FOXP1: variants seen among roughly 807,000 people sequenced by gnomAD.
FOXP1 encodes forkhead box P1.
In FOXP1, 15 loss-of-function variants were observed where a neutral mutation model predicts 98.2. The ratio of observed to expected loss-of-function variants is 0.15; its 90% CI spans 0.10 to 0.24. The LOEUF is 0.24. FOXP1 is among the 10% of genes least tolerant of loss of function. FOXP1 has a pLI of 1.00. For missense variants in FOXP1, 633 were observed against 848.5 expected, an observed-to-expected ratio of 0.75 and a Z score of 3.15; for synonymous variants, 371 against 314.5, an observed-to-expected ratio of 1.18 and a Z score of -1.90.
chr3:71,515,433 C>CA (rs35322006), intron 2 of FOXP1, among the ~76,000 whole-genome samples: 34,990 of 96,780 alleles, frequency 0.36, 7,155 homozygotes, highest in East Asian at 0.92. Flanking sequence ...ATTTACACAG[C>CA]AAAAAAAAAA....
intron 4 of FOXP1, among the ~76,000 whole-genome samples, chr3:71,321,579 TTAAAG>T (rs2075393533): frequency 1.3e-5 from 2 of 152,146 alleles, no homozygotes; most frequent in Admixed American, 6.5e-5. Flanking sequence ...CACAATGTAA[TTAAAG>T]TAACTGGCAG....
chr3:71,291,899 G>A (rs1392460851), intron 5 of FOXP1, among the ~76,000 whole-genome samples: 2 of 151,722 alleles, frequency 1.3e-5, no homozygotes, highest in Non-Finnish European at 2.9e-5. Context: ...TAGAGATGGG[G>A]TTTCACCATG....
intron 7 of FOXP1, among the ~76,000 whole-genome samples, chr3:71,084,793 G>T (rs2054844597): frequency 6.6e-6 from 1 of 152,142 alleles, no homozygotes; most frequent in Non-Finnish European, 1.5e-5. Flanking sequence ...AGAACTTTGG[G>T]AGGCTGAGGT....
chr3:70,976,644 C>A (rs189434677), intron 17 of FOXP1, among the ~76,000 whole-genome samples: 1 of 152,142 alleles, frequency 6.6e-6, no homozygotes, highest in African/African-American at 2.4e-5. Flanking sequence ...AATATGGCAA[C>A]CTCCACTTCT....
chr3:71,311,191 C>T (rs1023170254), intron 4 of FOXP1, among the ~76,000 whole-genome samples: 1 of 152,122 alleles, frequency 6.6e-6, no homozygotes, highest in African/African-American at 2.4e-5. Context: ...TAGACTCAAG[C>T]GGTTCTCCCA....
At chr3:71,084,473 A>C (rs1451415700) in intron 7 of FOXP1, among the ~76,000 whole-genome samples, 2 of 152,132 alleles carry the variant, frequency 1.3e-5, no homozygotes, top group Non-Finnish European at 2.9e-5. Flanking sequence ...CACTCTGCCA[A>C]ATTATGATAA....
chr3:71,580,903 G>A, intron 2 of FOXP1: 1 of 985,378 alleles, frequency 1.0e-6, no homozygotes, highest in Non-Finnish European at 1.2e-6. Context: ...TGTTTAAAGA[G>A]CAGTGACAAA....
intron 2 of FOXP1, among the ~76,000 whole-genome samples, chr3:71,517,327 C>G (rs1369612201): frequency 1.3e-5 from 2 of 152,170 alleles, no homozygotes; most frequent in Non-Finnish European, 2.9e-5. Context: ...GAAATGCTGT[C>G]TAGTCATGTG....
intron 3 of FOXP1, among the ~76,000 whole-genome samples, chr3:71,453,037 C>T (rs758709915): frequency 6.6e-6 from 1 of 152,114 alleles, no homozygotes; most frequent in African/African-American, 2.4e-5. Context: ...CTCTTCTCAC[C>T]CCATCTGCTT....
At chr3:71,498,448 C>T (rs1219216446) in intron 2 of FOXP1, among the ~76,000 whole-genome samples, 1 of 152,140 alleles carries the variant, frequency 6.6e-6, no homozygotes, top group Non-Finnish European at 1.5e-5. Flanking sequence ...TATTTTTCAA[C>T]CTCCAAAAGT....
intron 5 of FOXP1, among the ~76,000 whole-genome samples, chr3:71,222,151 C>CA (rs1287505660): frequency 6.6e-6 from 1 of 151,876 alleles, no homozygotes; most frequent in African/African-American, 2.4e-5. Flanking sequence ...GATTCCGTAT[C>CA]AAAAAAACAA....
chr3:71,417,016 A>C (rs991613622), intron 3 of FOXP1, among the ~76,000 whole-genome samples: 1 of 152,190 alleles, frequency 6.6e-6, no homozygotes, highest in African/African-American at 2.4e-5. Context: ...CTGGGGCGGA[A>C]CCAGTCAGTC....
intron 5 of FOXP1, among the ~76,000 whole-genome samples, chr3:71,285,013 T>C (rs1351706825): frequency 1.3e-5 from 2 of 149,140 alleles, no homozygotes; most frequent in East Asian, 3.8e-4. Context: ...GTATGTAACA[T>C]ACATAGAATA....
Position 70,955,218 on chromosome 3 carries a change from T to G in FOXP1, c.*4029A>C. 1 of 229,392 alleles carries G rather than the reference T, an allele frequency of 4.4e-6. No individual in the cohort carries two copies. The highest frequency in any genetic ancestry group is 8.6e-6 in the Non-Finnish European group (1 of 115,672). 14.2% of individuals were successfully genotyped at this position (229,392 alleles called of 1,614,324 possible). A position where few individuals can be genotyped will look rare whatever the true frequency, so the allele number is the denominator to read the frequency against. ...AGAGAGGAAATATTTTTTAACTCTA[T>G]TTTTTTTCATGAGGAAAAAAAAGCT... On this transcript the variant is annotated 3_prime_UTR_variant, in exon 21 of 21. Coordinates refer to ENST00000649528, the MANE Select transcript of FOXP1 (RefSeq NM_001349338.3).
chr3:71,229,050 C>A (rs2066074243), intron 5 of FOXP1, among the ~76,000 whole-genome samples: 1 of 148,882 alleles, frequency 6.7e-6, no homozygotes, highest in Non-Finnish European at 1.5e-5. Flanking sequence ...GGAAAGTTGG[C>A]CTTTTAAGGG....
chr3:71,188,215 T>C (rs2062759573), intron 6 of FOXP1, among the ~76,000 whole-genome samples: 2 of 152,174 alleles, frequency 1.3e-5, no homozygotes, highest in African/African-American at 4.8e-5. Context: ...GAACATAAAA[T>C]TGATATTATC....
intron 5 of FOXP1, among the ~76,000 whole-genome samples, chr3:71,284,254 C>T (rs1160843393): frequency 6.6e-6 from 1 of 152,038 alleles, no homozygotes; most frequent in African/African-American, 2.4e-5. Context: ...TAGAATACAT[C>T]TAAAGAAAAG....
chr3:71,070,379 G>A (rs1323991922), intron 7 of FOXP1, among the ~76,000 whole-genome samples: 10 of 152,072 alleles, frequency 6.6e-5, no homozygotes, highest in African/African-American at 1.9e-4. Flanking sequence ...GCATGTCGGC[G>A]CATTTTCAAT....
intron 5 of FOXP1, among the ~76,000 whole-genome samples, chr3:71,267,299 T>C (rs999490477): frequency 2.6e-5 from 4 of 152,194 alleles, no homozygotes; most frequent in African/African-American, 7.2e-5. Context: ...AGTGGTCCTT[T>C]TTTCTTACAA....
Sources: allele counts gnomAD v4.1 joint callset (sites outside exome capture counted in the v4.1 genomes callset), GRCh38; gene constraint gnomAD v4.1.1; transcripts MANE v1.5; gene names NCBI Gene and HGNC (gene_info 2026-07-23, HGNC 2026-07-21).